Variants in TIMM9 observed in about 807,000 individuals in gnomAD.
TIMM9 encodes the protein translocase of inner mitochondrial membrane 9.
Under a neutral mutation model 13.4 loss-of-function variants are expected in TIMM9, and 10 were observed. The observed-to-expected ratio is 0.75, with a 90% CI of 0.46 to 1.26. TIMM9 has a LOEUF of 1.26. TIMM9 is among the 50% of genes most tolerant of loss of function. The pLI is 0.00. For synonymous variants in TIMM9, 32 were observed against 32.1 expected (o/e 1.00, Z 0.01); for missense variants, 87 against 100.8 (o/e 0.86, Z 0.58).
chr14:58,415,987 G>A (rs534239475), intron 3 of TIMM9, among the ~76,000 whole-genome samples: 6 of 151,988 alleles, frequency 3.9e-5, no homozygotes, highest in South Asian at 2.1e-4. Flanking sequence ...AGGCCAAAGC[G>A]GGTGGGTCGA....
Position 58,408,976 on chromosome 14 carries a change from T to G in TIMM9, c.*58A>C, listed in dbSNP as rs968726996. 1.9e-6 allele frequency: 3 copies of G among 1,583,928 alleles called. No individual in the cohort carries two copies. The African/African-American group carries it at 4.1e-5, about 22-fold the overall frequency. On this transcript the variant is annotated 3_prime_UTR_variant, in exon 6 of 6. Coordinates refer to ENST00000395159, the MANE Select transcript of TIMM9 (RefSeq NM_012460.4). Reference sequence around the variant, plus strand: ...GGGGATTCTATCAGATGAGTCCTCATTTCCAATAAAGCAGCTGTTGGCAAT... The same window carrying G: ...GGGGATTCTATCAGATGAGTCCTCAGTTCCAATAAAGCAGCTGTTGGCAAT...
At position 58,408,564 on chromosome 14, in the gene TIMM9, G is replaced by A. The variant is rs751873601; in HGVS notation, c.*470C>T. 6.2e-7 allele frequency: 1 copy of A among 1,614,046 alleles called. No homozygotes were observed. The highest frequency in any genetic ancestry group is 8.5e-7 in the Non-Finnish European group (1 of 1,179,984). ...CAGACATGAATGAACAGGACTGCTT[G>A]GAGGATGATCCTGATTGAAAAACAT... On this transcript the variant is annotated 3_prime_UTR_variant, in exon 6 of 6. Coordinates refer to ENST00000395159, the MANE Select transcript of TIMM9 (RefSeq NM_012460.4).
At chr14:58,418,952 T>C (rs1485150738) in intron 3 of TIMM9, among the ~76,000 whole-genome samples, 1 of 152,084 alleles carries the variant, frequency 6.6e-6, no homozygotes, top group African/African-American at 2.4e-5. Flanking sequence ...CAAATTTATA[T>C]GGAAATTTAT....
chr14:58,416,227 CAAAT>C (rs541538164), intron 3 of TIMM9, among the ~76,000 whole-genome samples: 4 of 150,936 alleles, frequency 2.7e-5, no homozygotes, highest in Admixed American at 6.6e-5. Context: ...GACTCTGTAG[CAAAT>C]AAATAAATAA....
At chr14:58,412,805 G>A (rs1397550724) in intron 3 of TIMM9, among the ~76,000 whole-genome samples, 3 of 152,090 alleles carry the variant, frequency 2.0e-5, no homozygotes, top group Non-Finnish European at 4.4e-5. Flanking sequence ...GGAAGCTGAG[G>A]CAGGAGAATC....
intron 3 of TIMM9, among the ~76,000 whole-genome samples, chr14:58,414,950 C>T (rs566815953): frequency 3.1e-4 from 47 of 152,204 alleles, no homozygotes; most frequent in African/African-American, 1.1e-3. Context: ...AGGAGGCCTA[C>T]TTGACATTCA....
rs1286503832 is a variant in TIMM9, at chr14:58,415,974, G to T, written c.-26-4003C>A. Among the ~76,000 whole-genome samples, 3 of 152,080 alleles carry T rather than the reference G, an allele frequency of 2.0e-5. No individual in the cohort carries two copies. In the East Asian group the frequency reaches 5.8e-4, roughly 29 times the overall value. On this transcript the variant is annotated intron_variant, in intron 3 of 5. Transcript: ENST00000395159. ...CTCACGTCTATAATCCTAGCACTTT[G>T]GGAGGCCAAAGCGGGTGGGTCGATT...
At chr14:58,425,986 G>A (rs1387699248) in intron 2 of TIMM9, among the ~76,000 whole-genome samples, 7 of 151,026 alleles carry the variant, frequency 4.6e-5, no homozygotes, top group Non-Finnish European at 7.4e-5. Context: ...GCGTGGTGGC[G>A]GGCGCCTGTA....
At chr14:58,409,642 G>C (rs2036146675) in intron 5 of TIMM9, among the ~76,000 whole-genome samples, 1 of 151,624 alleles carries the variant, frequency 6.6e-6, no homozygotes, top group Non-Finnish European at 1.5e-5. Context: ...GCAGTGGCGT[G>C]ATCTCGGCTC....
At chr14:58,409,903 TTCTC>T (rs1183710094) in intron 5 of TIMM9, among the ~76,000 whole-genome samples, 1 of 151,854 alleles carries the variant, frequency 6.6e-6, no homozygotes, top group Non-Finnish European at 1.5e-5. Flanking sequence ...TTGAGACAGG[TTCTC>T]TCTCTGTTGC....
At chr14:58,414,085 A>G (rs1186806911) in intron 3 of TIMM9, among the ~76,000 whole-genome samples, 1 of 150,600 alleles carries the variant, frequency 6.6e-6, no homozygotes, top group Non-Finnish European at 1.5e-5. Flanking sequence ...ACAGCATGTA[A>G]AAGGAAAACA....
intron 2 of TIMM9, among the ~76,000 whole-genome samples, chr14:58,426,477 T>A (rs1358914448): frequency 6.6e-6 from 1 of 152,140 alleles, no homozygotes; most frequent in Non-Finnish European, 1.5e-5. Flanking sequence ...AGTGCTGGGA[T>A]TACAGGCGTG....
intron 3 of TIMM9, among the ~76,000 whole-genome samples, chr14:58,414,747 A>AAG (rs1555370266): frequency 6.6e-6 from 1 of 151,314 alleles, no homozygotes; most frequent in Admixed American, 6.6e-5. Flanking sequence ...AAAAAAAAAA[A>AAG]AAAAGAAAAA....
At chr14:58,419,498 CACACACAA>C (rs1465610425) in intron 3 of TIMM9, among the ~76,000 whole-genome samples, 38 of 144,790 alleles carry the variant, frequency 2.6e-4, no homozygotes, top group African/African-American at 6.1e-4. Context: ...CACACACACA[CACACACAA>C]ACACATACAC....
rs556005513 is a variant in TIMM9, at chr14:58,408,710, G to A, written c.*324C>T. On this transcript the variant is annotated 3_prime_UTR_variant, in exon 6 of 6. Coordinates refer to ENST00000395159, the MANE Select transcript of TIMM9 (RefSeq NM_012460.4). ...AAATTTTTCTATCTCATACATGATCGAACACATAAGTTGCTTTAAAATTAA... is the reference window on the plus strand; with the variant it reads ...AAATTTTTCTATCTCATACATGATCAAACACATAAGTTGCTTTAAAATTAA... 2.7e-4 allele frequency: 230 copies of A among 866,510 alleles called. 5 individuals carry two copies. In the South Asian group the frequency reaches 4.2e-3, roughly 16 times the overall value. The allele number at this position is 866,510 out of a possible 1,614,324, so 53.7% of individuals were successfully genotyped here.
At chr14:58,412,426 C>T (rs575154837) in intron 3 of TIMM9, among the ~76,000 whole-genome samples, 15 of 152,336 alleles carry the variant, frequency 9.8e-5, no homozygotes, top group South Asian at 6.2e-4. Context: ...AGGCGTTAGC[C>T]GCCGTGCCCG....
At chr14:58,411,834 G>A (rs1216742898) in intron 4 of TIMM9, 73 bp downstream of exon 4, 1 of 1,419,156 alleles carries the variant, frequency 7.0e-7, no homozygotes, top group Non-Finnish European at 1.0e-6. Flanking sequence ...ACTGCACCCA[G>A]CCTGACATGG....
rs1205356959 is a variant in TIMM9 at position 58,408,782 on chromosome 14, C to G, written c.*252G>C. 2.9e-6 allele frequency: 2 copies of G among 683,776 alleles called. No individual in the cohort carries two copies. The highest frequency in any genetic ancestry group is 4.7e-6 in the Non-Finnish European group (2 of 425,490). 42.4% of individuals were successfully genotyped at this position (683,776 alleles called of 1,614,324 possible). On this transcript the variant is annotated 3_prime_UTR_variant, in exon 6 of 6. Coordinates refer to ENST00000395159, the MANE Select transcript of TIMM9 (RefSeq NM_012460.4). ...TGGTTTATTTTTCTAATCAAGTGAC[C>G]AAGCTGCTGAATCATAAGGCCTCAA... is the stretch of plus-strand genomic sequence containing the variant.
At chr14:58,420,306 C>A (rs1233583864) in intron 3 of TIMM9, among the ~76,000 whole-genome samples, 2 of 152,098 alleles carry the variant, frequency 1.3e-5, no homozygotes, top group African/African-American at 4.8e-5. Flanking sequence ...TTGCAAACTA[C>A]ATAACTGACA....
Sources: gnomAD v4.1 joint callset for allele counts (sites outside exome capture counted in the v4.1 genomes callset) on GRCh38, gnomAD v4.1.1 for gene constraint, MANE v1.5 for transcripts, NCBI Gene and HGNC (gene_info 2026-07-23, HGNC 2026-07-21) for gene names.